The following NTN1 variants were observed in gnomAD, a reference collection of about 807,000 sequenced individuals.
NTN1 encodes the protein netrin-1.
A neutral mutation model predicts 54.2 loss-of-function variants in NTN1; 11 were observed. That is an observed-to-expected ratio of 0.20 (90% CI 0.13 to 0.34). The LOEUF (loss-of-function observed/expected upper bound fraction) is 0.34. Among genes scored for constraint, NTN1 ranks in the 10% least tolerant of loss-of-function variants. NTN1 has a pLI of 1.00. For synonymous variants in NTN1, 371 were observed against 382.0 expected (o/e 0.97, Z 0.33); for missense variants, 740 against 893.1 (o/e 0.83, Z 2.18).
At chr17:9,238,090 T>G (rs2142377902) in intron 6 of NTN1, among the ~76,000 whole-genome samples, 1 of 152,208 alleles carries the variant, frequency 6.6e-6, no homozygotes, top group South Asian at 2.1e-4. Flanking sequence ...GGTCCATGTG[T>G]GGGTGCAGGG....
At chr17:9,093,835 G>C (rs933195057) in intron 2 of NTN1, among the ~76,000 whole-genome samples, 6 of 152,154 alleles carry the variant, frequency 3.9e-5, no homozygotes, top group African/African-American at 7.2e-5. Context: ...TTAGCTGGGC[G>C]TGGTGGCGGG....
At chr17:9,207,142 A>G (rs1460610965) in intron 5 of NTN1, among the ~76,000 whole-genome samples, 3 of 152,158 alleles carry the variant, frequency 2.0e-5, no homozygotes, top group Non-Finnish European at 4.4e-5. Flanking sequence ...CCCTGGGGAT[A>G]CAGCAGTGAA....
At chr17:9,054,934 A>G (rs536589330) in intron 2 of NTN1, among the ~76,000 whole-genome samples, 1 of 152,332 alleles carries the variant, frequency 6.6e-6, no homozygotes, top group East Asian at 1.9e-4. Context: ...GGGAGGGCTA[A>G]ACAATAGCGG....
chr17:9,004,772 C>T, the NTN1 span, among the ~76,000 whole-genome samples: 1 of 152,246 alleles, frequency 6.6e-6, no homozygotes, highest in Non-Finnish European at 1.5e-5. Context: ...CGACTTGGCC[C>T]TGGGCCCTTT....
rs1297643048 is a variant in NTN1 at position 9,243,026 on chromosome 17, G to C, written c.*3058G>C. 6.6e-6 allele frequency: 1 copy of C among 152,014 alleles called. No homozygotes were observed. The highest frequency in any genetic ancestry group is 2.4e-5 in the African/African-American group (1 of 41,248). 9.4% of individuals were successfully genotyped at this position (152,014 alleles called of 1,614,324 possible). A position where few individuals can be genotyped will look rare whatever the true frequency, so the allele number is the denominator to read the frequency against. On this transcript the variant is annotated 3_prime_UTR_variant, in exon 7 of 7. Coordinates refer to ENST00000173229, the MANE Select transcript of NTN1 (RefSeq NM_004822.3). ...ACATACCAGATTAGTCTTTGTTTTT[G>C]AAACAGCTTCCCCAGTTGTCCTTTT...
chr17:9,056,250 T>C (rs928899330), intron 2 of NTN1, among the ~76,000 whole-genome samples: 1 of 152,130 alleles, frequency 6.6e-6, no homozygotes, highest in Admixed American at 6.6e-5. Flanking sequence ...AGGGACGAGG[T>C]TTCACCATGT....
rs954612636 is a variant in NTN1 at position 9,023,358 on chromosome 17, C to T, written c.985C>T (p.Arg329Cys). ...CTTCCACTACGACCGGCCCTGGCAG[C>T]GCGCCACAGCCCGCGAAGCCAACGA... is the stretch of plus-strand genomic sequence containing the variant. The part of the protein sequence containing the change: ...KPFHYDRPWQ[R>C]ATAREANECV... The change falls in exon 2 of 7, where the codon CGC becomes TGC. Residue 329 changes from arginine (R) to cysteine (C), a missense_variant. Physicochemically the swap from Arg to Cys is radical, Grantham distance 180 (BLOSUM62 -3). Transcript: ENST00000173229. The T allele has an allele frequency of 6.7e-7, 1 of 1,486,802 alleles. No homozygotes were observed. Among genetic ancestry groups the T allele is most frequent in the Admixed American group, 2.2e-5 (1 of 45,188 alleles). 92.1% of individuals were successfully genotyped at this position (1,486,802 alleles called of 1,614,324 possible).
intron 2 of NTN1, among the ~76,000 whole-genome samples, chr17:9,112,324 C>T (rs1007501235): frequency 6.6e-6 from 1 of 152,188 alleles, no homozygotes; most frequent in African/African-American, 2.4e-5. Context: ...TTTCCTTCAC[C>T]TATTCGTTAC....
At chr17:9,073,279 G>C (rs1024041767) in intron 2 of NTN1, among the ~76,000 whole-genome samples, 2 of 152,204 alleles carry the variant, frequency 1.3e-5, no homozygotes, top group African/African-American at 4.8e-5. Context: ...TCAAAGCCGC[G>C]GGTGAAGGTG....
chr17:9,137,058 A>G (rs1396008337), intron 2 of NTN1, among the ~76,000 whole-genome samples: 1 of 151,724 alleles, frequency 6.6e-6, no homozygotes, highest in African/African-American at 2.4e-5. Flanking sequence ...CTGGAATTTC[A>G]TTTTCTCCCC....
At chr17:9,070,103 T>C (rs1488447081) in intron 2 of NTN1, among the ~76,000 whole-genome samples, 2 of 152,228 alleles carry the variant, frequency 1.3e-5, no homozygotes, top group African/African-American at 4.8e-5. Context: ...TGTACCACAC[T>C]GAGTGGGTTC....
upstream of NTN1, among the ~76,000 whole-genome samples, chr17:9,019,292 T>A (rs1473102867): frequency 6.6e-6 from 1 of 152,266 alleles, no homozygotes; most frequent in Non-Finnish European, 1.5e-5. Flanking sequence ...AACTGTGTTG[T>A]CTTTTTATGC....
intron 6 of NTN1, among the ~76,000 whole-genome samples, chr17:9,231,350 G>C (rs972925946): frequency 3.9e-5 from 6 of 152,172 alleles, no homozygotes; most frequent in Admixed American, 2.6e-4. Context: ...GGGCATCTTT[G>C]CAAGCCCTGA....
intron 2 of NTN1, among the ~76,000 whole-genome samples, chr17:9,049,426 A>G (rs1318928664): frequency 6.6e-6 from 1 of 152,220 alleles, no homozygotes; most frequent in African/African-American, 2.4e-5. Flanking sequence ...ATCACCAGTA[A>G]TGGGCCACCT....
chr17:9,220,647 C>T (rs1232158740), intron 5 of NTN1, among the ~76,000 whole-genome samples: 2 of 152,096 alleles, frequency 1.3e-5, no homozygotes, highest in African/African-American at 4.8e-5. Context: ...TTTATTTGCA[C>T]ACTGCAGTAG....
chr17:9,053,330 G>A (rs2091966899), intron 2 of NTN1, among the ~76,000 whole-genome samples: 2 of 152,222 alleles, frequency 1.3e-5, no homozygotes, highest in African/African-American at 4.8e-5. Flanking sequence ...AAATGGAAAG[G>A]AATTAGCCCT....
In NTN1 at chr17:9,163,060, G is replaced by A. The variant is rs547331741; in HGVS notation, c.1207+59G>A. ...AGACCCGGGGAACATCAGTCCTCCC[G>A]CTCCCTCCTCGCTTCCTTTTCTATT... is the stretch of plus-strand genomic sequence containing the variant. On this transcript the variant is annotated intron_variant, in intron 3 of 6. Transcript: ENST00000173229. The A allele has an allele frequency of 4.0e-6, 6 of 1,492,270 alleles. No homozygotes were observed. In the East Asian group the frequency reaches 9.8e-5, roughly 24 times the overall value. 92.4% of individuals were successfully genotyped at this position (1,492,270 alleles called of 1,614,324 possible).
At chr17:9,102,102 T>C (rs2142242813) in intron 2 of NTN1, among the ~76,000 whole-genome samples, 1 of 152,246 alleles carries the variant, frequency 6.6e-6, no homozygotes. Flanking sequence ...GTGCCTAAAA[T>C]GGGAAAAGAC....
At chr17:9,095,182 T>G (rs1818956896) in intron 2 of NTN1, among the ~76,000 whole-genome samples, 1 of 152,212 alleles carries the variant, frequency 6.6e-6, no homozygotes, top group Non-Finnish European at 1.5e-5. Flanking sequence ...ATTCTTTGAA[T>G]ATTGAGGATG....
Sources: allele counts gnomAD v4.1 joint callset (sites outside exome capture counted in the v4.1 genomes callset), GRCh38; gene constraint gnomAD v4.1.1; transcripts MANE v1.5; gene names NCBI Gene and HGNC (gene_info 2026-07-23, HGNC 2026-07-21).